Variants in PFN4 observed in about 807,000 individuals in gnomAD.
PFN4 encodes the protein profilin family member 4.
Under a neutral mutation model 16.3 loss-of-function variants are expected in PFN4, and 10 were observed. The observed-to-expected ratio is 0.61, with a 90% CI of 0.38 to 1.04. The LOEUF (loss-of-function observed/expected upper bound fraction) is 1.04. Among genes scored for constraint, PFN4 ranks in the 50% least tolerant of loss-of-function variants. PFN4 has a pLI of 0.01. For synonymous variants in PFN4, 54 were observed against 56.9 expected, an observed-to-expected ratio of 0.95 and a Z score of 0.23; for missense variants, 136 against 153.6, an observed-to-expected ratio of 0.89 and a Z score of 0.61.
Position 24,122,423 on chromosome 2 carries a change from A to C in PFN4, c.113T>G (p.Phe38Cys), listed in dbSNP as rs753566764. 4 of 1,608,908 alleles carry C rather than the reference A, an allele frequency of 2.5e-6. No homozygotes were observed. The highest frequency in any genetic ancestry group is 3.4e-6 in the Non-Finnish European group (4 of 1,175,898). Residue 38 changes from phenylalanine (F) to cysteine (C), a missense_variant, in exon 2 of 5, where the codon TTC (phenylalanine) becomes TGC (cysteine). Transcript: ENST00000313213. Reference sequence around the variant, plus strand: ...TCCAAACTTGTTTTTTCTTACATTGAAACCTGGTGATGCTACACACAAGCT... The same window carrying C: ...TCCAAACTTGTTTTTTCTTACATTGCAACCTGGTGATGCTACACACAAGCT... ...ERSLCVASPG[F>C]NVTPSDVRTL...
intron 4 of PFN4, among the ~76,000 whole-genome samples, chr2:24,115,829 C>T (rs1285593459): frequency 6.7e-6 from 1 of 148,430 alleles, no homozygotes; most frequent in East Asian, 2.0e-4. Context: ...CACACACAAA[C>T]ATCAATTCTA....
At position 24,122,321 on chromosome 2, in the gene PFN4, C is replaced by T. The variant is rs571107087; in HGVS notation, c.117+98G>A. ...AGGCTAAGCAACAAGAGTGAAATTC[C>T]GTCTCAAAAAAAAAAAAAAGTCATG... On this transcript the variant is annotated intron_variant, in intron 2 of 4. Transcript: ENST00000313213. 5.7e-4 allele frequency: 478 copies of T among 836,838 alleles called. 1 individual carries two copies. The highest frequency in any genetic ancestry group is 8.7e-4 in the Non-Finnish European group (444 of 512,734). 51.8% of individuals were successfully genotyped at this position (836,838 alleles called of 1,614,324 possible). A position where few individuals can be genotyped will look rare whatever the true frequency, so the allele number is the denominator to read the frequency against.
In PFN4 at chr2:24,114,911, CTT is replaced by C. The variant is rs1181378612; in HGVS notation, c.*670_*671del. ...GAGAGTTAGGGTTAGAGTCAGAAAT[CTT>C]TTTGAGTTGATTTTTGAGAAGGCCT... On this transcript the variant is annotated 3_prime_UTR_variant, in exon 5 of 5. Transcript: ENST00000313213. Among the ~76,000 whole-genome samples, 3 of 152,146 alleles carry C rather than the reference CTT, an allele frequency of 2.0e-5. No individual in the cohort carries two copies. The highest frequency in any genetic ancestry group is 4.4e-5 in the Non-Finnish European group (3 of 68,028).
At chr2:24,121,401 T>C in intron 2 of PFN4, 101 bp from the exon 3 acceptor site, 1 of 1,147,956 alleles carries the variant, frequency 8.7e-7, no homozygotes, top group Non-Finnish European at 1.2e-6. Flanking sequence ...AAGCTAAGAA[T>C]GGTTTTCATG....
chr2:24,119,658 T>C lies in PFN4; in HGVS notation c.280A>G (p.Lys94Glu). The C allele has an allele frequency of 6.2e-7, 1 of 1,613,152 alleles. No homozygotes were observed. Among genetic ancestry groups the C allele is most frequent in the Non-Finnish European group, 8.5e-7 (1 of 1,179,318 alleles). Residue 94 changes from lysine to glutamate, a missense_variant, in exon 4 of 5, where the codon AAG becomes GAG. Transcript: ENST00000313213. The part of the protein sequence containing the change: ...KNENTGVVVV[K>E]THLYLLVATY... ...GCTACCAGAAGATACAGATGGGTCTTCACGACAACCACACCAGTGTTCTCC... is the reference window on the plus strand; with the variant it reads ...GCTACCAGAAGATACAGATGGGTCTCCACGACAACCACACCAGTGTTCTCC...
intron 3 of PFN4, among the ~76,000 whole-genome samples, chr2:24,120,236 T>G (rs1378947794): frequency 1.3e-5 from 2 of 151,258 alleles, no homozygotes; most frequent in African/African-American, 4.9e-5. Context: ...GCCATTGCAC[T>G]CCAGCCTGGG....
At chr2:24,116,876 CA>C (rs764310244) in intron 4 of PFN4, among the ~76,000 whole-genome samples, 162 of 113,372 alleles carry the variant, frequency 1.4e-3, no homozygotes, top group Admixed American at 1.4e-3. Flanking sequence ...AACTGTGTCT[CA>C]AAAAAAAAAA....
At chr2:24,118,556 TAAAC>T (rs771738217) in intron 4 of PFN4, among the ~76,000 whole-genome samples, 118 of 152,254 alleles carry the variant, frequency 7.8e-4, no homozygotes, top group Non-Finnish European at 1.4e-3. Flanking sequence ...ACAATCTAGA[TAAAC>T]AAAGAACTGT....
chr2:24,119,435 G>T, intron 4 of PFN4, 142 bp downstream of exon 4: 1 of 605,296 alleles, frequency 1.7e-6, no homozygotes. Context: ...TGTCCTTCCA[G>T]TGGCTATGTA....
chr2:24,118,305 T>G (rs1026408259), intron 4 of PFN4, among the ~76,000 whole-genome samples: 1 of 152,232 alleles, frequency 6.6e-6, no homozygotes, highest in Non-Finnish European at 1.5e-5. Flanking sequence ...GGTCCAATAA[T>G]GCAAAATGCA....
chr2:24,122,350 G>C, intron 2 of PFN4, 69 bp downstream of exon 2: 10 of 1,176,434 alleles, frequency 8.5e-6, no homozygotes, highest in Non-Finnish European at 1.1e-5. Flanking sequence ...AGTCATGTCT[G>C]CTTCATTTTT....
chr2:24,119,325 G>T (rs1238897961), intron 4 of PFN4, among the ~76,000 whole-genome samples: 1 of 152,164 alleles, frequency 6.6e-6, no homozygotes, highest in Non-Finnish European at 1.5e-5. Context: ...GAAACAGTTT[G>T]CTATGAGACA....
chr2:24,119,929 T>C (rs1195393995), intron 3 of PFN4, among the ~76,000 whole-genome samples: 1 of 152,180 alleles, frequency 6.6e-6, no homozygotes, highest in Admixed American at 6.5e-5. Flanking sequence ...AGATGGATTT[T>C]GAAAAAGTTC....
intron 2 of PFN4, among the ~76,000 whole-genome samples, chr2:24,122,046 T>C (rs1666134466): frequency 6.6e-6 from 1 of 152,218 alleles, no homozygotes; most frequent in Admixed American, 6.5e-5. Flanking sequence ...AAAAGTCATG[T>C]CTGGGCTGGG....
At position 24,117,800 on chromosome 2, in the gene PFN4, G is replaced by A. The variant is rs796499964; in HGVS notation, c.361+1777C>T. On this transcript the variant is annotated intron_variant, in intron 4 of 4. Transcript: ENST00000313213. ...GATCACGTATAATTTTTTAGATAGA[G>A]AAAAATATTTTTTTAAAAAGGAGTA... Among the ~76,000 whole-genome samples the A allele has an allele frequency of 5.9e-5, 9 of 152,196 alleles. 1 individual carries two copies. The highest frequency in any genetic ancestry group is 2.2e-4 in the African/African-American group (9 of 41,538).
At chr2:24,121,408 C>A (rs1301960479) in intron 2 of PFN4, 108 bp from the exon 3 acceptor site, 4 of 1,088,942 alleles carry the variant, frequency 3.7e-6, no homozygotes, top group South Asian at 1.7e-5. Context: ...GAATGGTTTT[C>A]ATGTTTTTAA....
In PFN4 at chr2:24,121,241, G is replaced by T. The variant is rs781053006; in HGVS notation, c.177C>A (p.Ala59=). Residue 59 remains alanine, a synonymous_variant, in exon 3 of 5, where the codon GCC becomes GCA. Transcript: ENST00000313213. ...CCTTGAAATACAGTCCTTCTCTTCG[G>T]GCTTGCAAAGGGTTCTTGGCAAATC... ...VNGFAKNPLQ[A]RREGLYFKGK... The T allele has an allele frequency of 2.2e-5, 35 of 1,614,070 alleles. No individual in the cohort carries two copies. The East Asian group carries it at 7.8e-4, about 36-fold the overall frequency.
intron 4 of PFN4, among the ~76,000 whole-genome samples, chr2:24,118,154 T>C (rs1188485434): frequency 6.6e-6 from 1 of 152,236 alleles, no homozygotes; most frequent in Non-Finnish European, 1.5e-5. Context: ...GACAGCCAAA[T>C]TGCCCATCTT....
intron 3 of PFN4, among the ~76,000 whole-genome samples, 162 bp downstream of exon 3, chr2:24,120,997 ACTTT>A (rs10610250): frequency 0.12 from 17,862 of 151,844 alleles, 1,222 homozygotes; most frequent in South Asian, 0.18. Flanking sequence ...TCTTGATAGG[ACTTT>A]CTTTCACATA....
Sources: allele counts gnomAD v4.1 joint callset (sites outside exome capture counted in the v4.1 genomes callset), GRCh38; gene constraint gnomAD v4.1.1; transcripts MANE v1.5; gene names NCBI Gene and HGNC (gene_info 2026-07-23, HGNC 2026-07-21).